INPP4B: variants seen among roughly 807,000 people sequenced by gnomAD.
INPP4B encodes inositol polyphosphate-4-phosphatase type II B.
INPP4B carries 55 observed loss-of-function variants against 122.5 expected under a neutral mutation model. The ratio of observed to expected loss-of-function variants is 0.45; its 90% CI spans 0.36 to 0.56. The LOEUF (loss-of-function observed/expected upper bound fraction) is 0.56, where lower values mean the gene tolerates loss of function less well. INPP4B is among the 20% of genes least tolerant of loss of function. The probability of loss-of-function intolerance (pLI) is 0.00; values close to 1 mark genes in which losing one functional copy is unlikely to be tolerated. For missense variants in INPP4B, 1,000 were observed against 1,097.7 expected, an observed-to-expected ratio of 0.91 and a Z score of 1.26; for synonymous variants, 403 against 388.7, an observed-to-expected ratio of 1.04 and a Z score of -0.43.
At chr4:142,622,173 C>A (rs1258849199) in intron 2 of INPP4B, among the ~76,000 whole-genome samples, 1 of 151,896 alleles carries the variant, frequency 6.6e-6, no homozygotes, top group Non-Finnish European at 1.5e-5. Flanking sequence ...TCTCACTGGA[C>A]TCCCAAAAAG....
intron 25 of INPP4B, among the ~76,000 whole-genome samples, chr4:142,046,828 T>C (rs1461877122): frequency 6.6e-6 from 1 of 151,902 alleles, no homozygotes; most frequent in Non-Finnish European, 1.5e-5. Flanking sequence ...CAGTGAAAAG[T>C]CATAAAGGTC....
chr4:142,586,698 A>G (rs1736281183), intron 2 of INPP4B, among the ~76,000 whole-genome samples: 1 of 152,144 alleles, frequency 6.6e-6, no homozygotes, highest in Non-Finnish European at 1.5e-5. Flanking sequence ...AGTTATAGAG[A>G]TTAATATATA....
intron 2 of INPP4B, among the ~76,000 whole-genome samples, chr4:142,624,048 A>T (rs372119330): frequency 2.6e-5 from 4 of 151,712 alleles, no homozygotes; most frequent in African/African-American, 4.8e-5. Flanking sequence ...TGTGTCTTTA[A>T]AGCAGCATGA....
chr4:142,455,222 T>C (rs762132735), intron 3 of INPP4B, among the ~76,000 whole-genome samples: 1 of 152,054 alleles, frequency 6.6e-6, no homozygotes, highest in Non-Finnish European at 1.5e-5. Context: ...TTATCGACCA[T>C]AGTCACTCTA....
chr4:142,754,655 TTAAAACTA>T (rs1348833060), intron 1 of INPP4B, among the ~76,000 whole-genome samples: 2 of 152,008 alleles, frequency 1.3e-5, no homozygotes, highest in Non-Finnish European at 2.9e-5. Context: ...TTTGCCAACC[TTAAAACTA>T]TATGCATATC....
At chr4:142,117,161 C>A (rs1318764437) in intron 21 of INPP4B, among the ~76,000 whole-genome samples, 1 of 151,788 alleles carries the variant, frequency 6.6e-6, no homozygotes, top group Non-Finnish European at 1.5e-5. Context: ...GAAATTGAGG[C>A]AATAATTAAT....
chr4:142,118,376 C>T (rs1794823872), intron 21 of INPP4B, among the ~76,000 whole-genome samples: 1 of 151,980 alleles, frequency 6.6e-6, no homozygotes, highest in African/African-American at 2.4e-5. Context: ...AGGCATCATG[C>T]TATCTGACTT....
intron 2 of INPP4B, among the ~76,000 whole-genome samples, chr4:142,640,480 T>C (rs1024688505): frequency 1.3e-5 from 2 of 151,948 alleles, no homozygotes; most frequent in Admixed American, 6.6e-5. Context: ...GATACTGATA[T>C]AAAAAATATC....
chr4:142,623,792 C>G (rs1156315144), intron 2 of INPP4B, among the ~76,000 whole-genome samples: 1 of 144,704 alleles, frequency 6.9e-6, no homozygotes, highest in East Asian at 2.2e-4. Flanking sequence ...TTGTTCAATT[C>G]CCACCTATGA....
chr4:142,116,087 G>A (rs1356788154), intron 21 of INPP4B, among the ~76,000 whole-genome samples: 1 of 152,040 alleles, frequency 6.6e-6, no homozygotes, highest in African/African-American at 2.4e-5. Flanking sequence ...AATGGTAAAG[G>A]GATCAATTCA....
chr4:142,252,882 G>T (rs974820814), intron 11 of INPP4B, among the ~76,000 whole-genome samples: 4 of 152,112 alleles, frequency 2.6e-5, no homozygotes, highest in Admixed American at 2.6e-4. Context: ...GTTTAACAAG[G>T]GGTTATGTTC....
At chr4:142,306,488 C>T (rs1054363083) in intron 8 of INPP4B, among the ~76,000 whole-genome samples, 1 of 152,132 alleles carries the variant, frequency 6.6e-6, no homozygotes, top group Non-Finnish European at 1.5e-5. Context: ...CATCATAGGT[C>T]TGCTGCTGAG....
intron 15 of INPP4B, among the ~76,000 whole-genome samples, chr4:142,179,697 G>A (rs74884308): frequency 0.016 from 2,443 of 152,108 alleles, 80 homozygotes; most frequent in African/African-American, 0.056. Flanking sequence ...CCAATGAAAC[G>A]TCTTTTTTAT....
chr4:142,562,556 G>A (rs563921912), intron 2 of INPP4B, among the ~76,000 whole-genome samples: 73 of 152,272 alleles, frequency 4.8e-4, no homozygotes, highest in Non-Finnish European at 8.2e-4. Context: ...GAGCAGGAAA[G>A]TACTTGTGGA....
At position 142,418,490 on chromosome 4, in the gene INPP4B, A is replaced by C. The variant is rs185275463; in HGVS notation, c.136+10683T>G. Among the ~76,000 whole-genome samples the C allele has an allele frequency of 3.7e-3, 568 of 152,228 alleles. 9 individuals are homozygous for C. The highest frequency in any genetic ancestry group is 0.013 in the African/African-American group (532 of 41,544). ...GTGCTTATAGTCTAGTATGACAAGA[A>C]ATTTTTTTAAAAAACAATGAGAATT... On this transcript the variant is annotated intron_variant, in intron 5 of 25. Transcript: ENST00000262992.
At chr4:142,738,554 A>T (rs1012034799) in intron 1 of INPP4B, among the ~76,000 whole-genome samples, 3 of 152,078 alleles carry the variant, frequency 2.0e-5, no homozygotes, top group Non-Finnish European at 4.4e-5. Context: ...GCACATGTAT[A>T]CATATGTAAC....
At chr4:142,294,812 A>G (rs1488083474) in intron 9 of INPP4B, among the ~76,000 whole-genome samples, 1 of 131,962 alleles carries the variant, frequency 7.6e-6, no homozygotes, top group African/African-American at 2.8e-5. Flanking sequence ...CCCGGGCGAC[A>G]GAGCGAGACT....
chr4:142,445,552 A>G (rs768128337), intron 3 of INPP4B, among the ~76,000 whole-genome samples: 1 of 152,222 alleles, frequency 6.6e-6, no homozygotes, highest in Non-Finnish European at 1.5e-5. Context: ...AAATTTCATA[A>G]CAGATGAAGC....
At chr4:142,464,443 T>C (rs936071548) in intron 2 of INPP4B, among the ~76,000 whole-genome samples, 66 of 152,066 alleles carry the variant, frequency 4.3e-4, no homozygotes, top group Non-Finnish European at 7.4e-5. Context: ...TTATCATATG[T>C]CTCTCATCAT....
Sources: allele counts gnomAD v4.1 joint callset (sites outside exome capture counted in the v4.1 genomes callset), GRCh38; gene constraint gnomAD v4.1.1; transcripts MANE v1.5; gene names NCBI Gene and HGNC (gene_info 2026-07-23, HGNC 2026-07-21).